Variants in ATP8A2 observed in about 807,000 individuals in gnomAD.
ATP8A2 encodes the protein ATPase phospholipid transporting 8A2.
A neutral mutation model predicts 165.6 loss-of-function variants in ATP8A2; 100 were observed. The ratio of observed to expected loss-of-function variants is 0.60; its 90% CI spans 0.51 to 0.71. The LOEUF is 0.71. ATP8A2 is among the 30% of genes least tolerant of loss of function. The pLI is 0.00. For missense variants in ATP8A2, 1,227 were observed against 1,479.5 expected, an observed-to-expected ratio of 0.83 and a Z score of 2.80; for synonymous variants, 543 against 548.8, an observed-to-expected ratio of 0.99 and a Z score of 0.15.
chr13:25,960,587 C>T lies in ATP8A2; in HGVS notation c.3184-988C>T, dbSNP rs182418385. On this transcript the variant is annotated intron_variant, in intron 33 of 36. Coordinates refer to ENST00000381655, the MANE Select transcript of ATP8A2 (RefSeq NM_016529.6). ...ACTTGAGTCCCTTTCTCAGGTGGCC[C>T]ACCCTTGTAGGCCAGCCTCCCAATT... 1.1e-3 allele frequency among the ~76,000 whole-genome samples: 163 copies of T among 152,262 alleles called. 3 individuals are homozygous for T. The highest frequency in any genetic ancestry group is 3.7e-3 in the African/African-American group (154 of 41,550).
At chr13:25,419,653 A>C (rs17725018) in intron 1 of ATP8A2, among the ~76,000 whole-genome samples, 2 of 48,510 alleles carry the variant, frequency 4.1e-5, no homozygotes, top group Non-Finnish European at 1.3e-4. Context: ...TTGTTCTCAT[A>C]ACCGTAATGT....
chr13:25,513,703 C>CCGGCACCT (rs2037359461), intron 2 of ATP8A2, among the ~76,000 whole-genome samples: 1 of 152,134 alleles, frequency 6.6e-6, no homozygotes, highest in Admixed American at 6.5e-5. Context: ...GTCTGCAATC[C>CCGGCACCT]CGGCACCTCG....
At chr13:26,016,032 C>T (rs1300848297) in intron 36 of ATP8A2, among the ~76,000 whole-genome samples, 1 of 152,212 alleles carries the variant, frequency 6.6e-6, no homozygotes, top group Non-Finnish European at 1.5e-5. Flanking sequence ...AAACTCCTCC[C>T]ATGACAGCTC....
intron 2 of ATP8A2, among the ~76,000 whole-genome samples, chr13:25,480,737 C>T (rs960136558): frequency 6.6e-5 from 10 of 151,272 alleles, no homozygotes; most frequent in Non-Finnish European, 1.5e-4. Flanking sequence ...AGACGCTCCT[C>T]ACTTCCTAGA....
At chr13:25,711,139 G>T (rs2043150248) in intron 25 of ATP8A2, among the ~76,000 whole-genome samples, 1 of 152,074 alleles carries the variant, frequency 6.6e-6, no homozygotes, top group Non-Finnish European at 1.5e-5. Flanking sequence ...TAGTAGCTGG[G>T]ATTACAGGGG....
intron 5 of ATP8A2, among the ~76,000 whole-genome samples, 167 bp downstream of exon 5, chr13:25,532,484 T>C (rs900666999): frequency 6.6e-6 from 1 of 152,198 alleles, no homozygotes; most frequent in Non-Finnish European, 1.5e-5. Context: ...ATTTTAGTCC[T>C]GATAATTAAG....
chr13:25,556,723 C>A (rs1346766284), intron 13 of ATP8A2, among the ~76,000 whole-genome samples: 1 of 152,070 alleles, frequency 6.6e-6, no homozygotes, highest in Non-Finnish European at 1.5e-5. Flanking sequence ...CCACCAGGAA[C>A]CCTAAGGGGA....
chr13:25,384,902 G>A (rs1011843426), intron 1 of ATP8A2, among the ~76,000 whole-genome samples: 3 of 152,202 alleles, frequency 2.0e-5, no homozygotes, highest in Non-Finnish European at 4.4e-5. Context: ...AAGCTGCAGG[G>A]CTGTGTGACA....
intron 2 of ATP8A2, among the ~76,000 whole-genome samples, chr13:25,512,509 G>C (rs182442175): frequency 0.12 from 18,844 of 150,758 alleles, 1,271 homozygotes; most frequent in Non-Finnish European, 0.18. Flanking sequence ...TGGGCGGGGG[G>C]CTGACCTCCC....
chr13:25,531,536 C>T (rs2038113505), intron 4 of ATP8A2, among the ~76,000 whole-genome samples: 1 of 150,538 alleles, frequency 6.6e-6, no homozygotes, highest in South Asian at 2.1e-4. Flanking sequence ...TACATACACA[C>T]ACACCTTGCT....
At chr13:25,630,728 A>C (rs2041220695) in intron 24 of ATP8A2, among the ~76,000 whole-genome samples, 1 of 152,206 alleles carries the variant, frequency 6.6e-6, no homozygotes, top group African/African-American at 2.4e-5. Context: ...TGATAATCAG[A>C]TAAATGGAGT....
intron 24 of ATP8A2, among the ~76,000 whole-genome samples, chr13:25,645,956 C>T (rs1366861618): frequency 6.6e-6 from 1 of 152,086 alleles, no homozygotes; most frequent in Admixed American, 6.6e-5. Context: ...TTGTTTAAGT[C>T]CAGTGTTCCC....
At position 25,538,697 on chromosome 13, in the gene ATP8A2, A is replaced by C. The variant is rs976312194; in HGVS notation, c.581+636A>C. On this transcript the variant is annotated intron_variant, in intron 7 of 36. Transcript: ENST00000381655. Reference sequence around the variant, plus strand: ...AAAATTAGGGCAAGAATTGACATCTATTCTTGAATTCAAGATTAAATTGTG... The same window carrying C: ...AAAATTAGGGCAAGAATTGACATCTCTTCTTGAATTCAAGATTAAATTGTG... 2.0e-5 allele frequency among the ~76,000 whole-genome samples: 3 copies of C among 152,216 alleles called. No individual in the cohort carries two copies. In the South Asian group the frequency reaches 6.2e-4, roughly 31 times the overall value.
At chr13:25,472,674 G>A (rs1211919026) in intron 2 of ATP8A2, among the ~76,000 whole-genome samples, 1 of 152,168 alleles carries the variant, frequency 6.6e-6, no homozygotes, top group Non-Finnish European at 1.5e-5. Context: ...GGCAGGGCAT[G>A]GAGAGTTTAT....
Position 26,022,995 on chromosome 13 carries a change from C to G in ATP8A2, c.*3010C>G, listed in dbSNP as rs7324045. The G allele has an allele frequency of 0.37, 55,616 of 152,190 alleles. 10,967 individuals are homozygous for G. The highest frequency in any genetic ancestry group is 0.45 in the Non-Finnish European group (30,438 of 68,042). 9.4% of individuals were successfully genotyped at this position (152,190 alleles called of 1,614,324 possible). ...TGGATGACCCTGCAAAAGGAAGAGA[C>G]CAGTTGTACTGTGGGCTTAGTTCTG... is the stretch of plus-strand genomic sequence containing the variant. On this transcript the variant is annotated 3_prime_UTR_variant, in exon 37 of 37. Transcript: ENST00000381655.
At chr13:25,741,496 C>G (rs1045650720) in intron 25 of ATP8A2, among the ~76,000 whole-genome samples, 1 of 152,182 alleles carries the variant, frequency 6.6e-6, no homozygotes, top group African/African-American at 2.4e-5. Context: ...ACCCTCCCAC[C>G]TCAGCCTCCT....
intron 6 of ATP8A2, among the ~76,000 whole-genome samples, chr13:25,535,690 C>T (rs2038256263): frequency 6.6e-6 from 1 of 152,042 alleles, no homozygotes; most frequent in Non-Finnish European, 1.5e-5. Context: ...TGGTGCGTGT[C>T]TGTAATCCCA....
At chr13:25,455,978 T>G (rs2035354242) in intron 1 of ATP8A2, among the ~76,000 whole-genome samples, 1 of 151,998 alleles carries the variant, frequency 6.6e-6, no homozygotes, top group Non-Finnish European at 1.5e-5. Flanking sequence ...GCTAGGAAGG[T>G]CTTTCTTTCT....
At chr13:25,695,825 G>C (rs1163447504) in intron 24 of ATP8A2, among the ~76,000 whole-genome samples, 1 of 83,646 alleles carries the variant, frequency 1.2e-5, no homozygotes, top group African/African-American at 3.9e-5. Flanking sequence ...TTATGCATGA[G>C]GGTTGAAATC....
Sources: allele counts gnomAD v4.1 joint callset (sites outside exome capture counted in the v4.1 genomes callset), GRCh38; gene constraint gnomAD v4.1.1; transcripts MANE v1.5; gene names NCBI Gene and HGNC (gene_info 2026-07-23, HGNC 2026-07-21).